RCOR1: variants seen among roughly 807,000 people sequenced by gnomAD.
The protein encoded by RCOR1 is REST corepressor 1.
RCOR1 carries 12 observed loss-of-function variants against 64.0 expected under a neutral mutation model. The ratio of observed to expected loss-of-function variants is 0.19; its 90% CI spans 0.12 to 0.30. RCOR1 has a LOEUF of 0.30. Ranked by LOEUF, RCOR1 falls within the 10% of genes least tolerant of loss-of-function variation. The pLI is 1.00. For missense variants in RCOR1, 502 were observed against 621.2 expected (o/e 0.81, Z 2.04); for synonymous variants, 279 against 227.2 (o/e 1.23, Z -2.05).
chr14:102,727,819 T>C lies in RCOR1; in HGVS notation c.*1313T>C, dbSNP rs148280054. ...ATTTTGAGACTTCCAGAATCACTTT[T>C]GTTATCTTATCAGACCATGGGCCTG... is the stretch of plus-strand genomic sequence containing the variant. On this transcript the variant is annotated 3_prime_UTR_variant, in exon 12 of 12. Transcript: ENST00000262241. The C allele has an allele frequency of 0.01, 1,545 of 152,390 alleles. 15 individuals are homozygous for C. The highest frequency in any genetic ancestry group is 0.015 in the Admixed American group (234 of 15,296). 9.4% of individuals were successfully genotyped at this position (152,390 alleles called of 1,614,324 possible). A position where few individuals can be genotyped will look rare whatever the true frequency, so the allele number is the denominator to read the frequency against.
chr14:102,620,787 T>C (rs955819104), intron 2 of RCOR1, among the ~76,000 whole-genome samples: 1 of 152,136 alleles, frequency 6.6e-6, no homozygotes, highest in African/African-American at 2.4e-5. Flanking sequence ...CCCATTTCAC[T>C]TAGAGTAAAA....
chr14:102,692,788 G>C (rs1895564873), intron 3 of RCOR1, among the ~76,000 whole-genome samples: 3 of 87,566 alleles, frequency 3.4e-5, no homozygotes, highest in South Asian at 7.2e-4. Context: ...TTTTTTTTGA[G>C]ACAGTCTTGC....
chr14:102,676,992 C>T (rs1895183606), intron 2 of RCOR1, among the ~76,000 whole-genome samples: 1 of 110,944 alleles, frequency 9.0e-6, no homozygotes, highest in African/African-American at 3.8e-5. Context: ...GGCAGAGGCG[C>T]CCCTCACCTC....
chr14:102,723,403 C>T (rs1378109129), intron 11 of RCOR1, among the ~76,000 whole-genome samples: 1 of 152,196 alleles, frequency 6.6e-6, no homozygotes, highest in African/African-American at 2.4e-5. Context: ...TGCAGGGCCT[C>T]TTTGCTGACT....
At chr14:102,677,398 C>A (rs1895204525) in intron 2 of RCOR1, among the ~76,000 whole-genome samples, 1 of 143,472 alleles carries the variant, frequency 7.0e-6, no homozygotes, top group African/African-American at 2.7e-5. Flanking sequence ...CTCCTCACTT[C>A]CCAGACGGGG....
At chr14:102,684,122 G>T (rs930371022) in intron 3 of RCOR1, among the ~76,000 whole-genome samples, 1 of 152,146 alleles carries the variant, frequency 6.6e-6, no homozygotes, top group Non-Finnish European at 1.5e-5. Context: ...AATCCAACTC[G>T]CACGGGAGGC....
At chr14:102,655,592 T>G in intron 2 of RCOR1, 6 of 654,796 alleles carry the variant, frequency 9.2e-6, no homozygotes, top group Non-Finnish European at 1.1e-5. Context: ...TAATAGGTGA[T>G]CAATAAATAT....
At chr14:102,708,612 C>A in intron 6 of RCOR1, 29 bp downstream of exon 6, 1 of 1,268,218 alleles carries the variant, frequency 7.9e-7, no homozygotes, top group Non-Finnish European at 1.2e-6. Flanking sequence ...TGTTGTCTAA[C>A]CACTTAGGGG....
chr14:102,613,504 C>T (rs1429703865), intron 2 of RCOR1, among the ~76,000 whole-genome samples: 1 of 148,794 alleles, frequency 6.7e-6, no homozygotes, highest in Non-Finnish European at 1.5e-5. Flanking sequence ...GCGATCTCTG[C>T]TCACTGCAAG....
At chr14:102,688,560 C>T (rs74082502) in intron 3 of RCOR1, among the ~76,000 whole-genome samples, 4,344 of 152,114 alleles carry the variant, frequency 0.029, 209 homozygotes, top group African/African-American at 0.1. Context: ...ATTGCCTAAC[C>T]GGGTCAGTGC....
chr14:102,702,383 A>AG (rs777221308), intron 4 of RCOR1, among the ~76,000 whole-genome samples: 43 of 152,118 alleles, frequency 2.8e-4, no homozygotes, highest in Admixed American at 6.5e-4. Flanking sequence ...AATTACCATT[A>AG]GCAAAGTATT....
rs146653787 is a variant in RCOR1, at chr14:102,650,128, G to T, written c.362-31767G>T. On this transcript the variant is annotated intron_variant, in intron 2 of 11. Transcript: ENST00000262241. ...CAGGAGAATGGTGTGAACCTGGGAG[G>T]TGCAGCTTGCAGGGAGCCGAGATCG... Among the ~76,000 whole-genome samples, 513 of 151,014 alleles carry T rather than the reference G, an allele frequency of 3.4e-3. 3 individuals carry two copies. Among genetic ancestry groups the T allele is most frequent in the African/African-American group, 0.012 (479 of 41,012 alleles).
chr14:102,676,618 T>C (rs1428166526), intron 2 of RCOR1, among the ~76,000 whole-genome samples: 3 of 83,224 alleles, frequency 3.6e-5, no homozygotes, highest in South Asian at 4.9e-4. Flanking sequence ...ACGGGGCGGC[T>C]GGCCAGGTGG....
chr14:102,622,204 A>G (rs1454659363), intron 2 of RCOR1, among the ~76,000 whole-genome samples: 1 of 152,040 alleles, frequency 6.6e-6, no homozygotes, highest in Non-Finnish European at 1.5e-5. Context: ...TAACCTTTTT[A>G]TCTACCCGAG....
intron 7 of RCOR1, among the ~76,000 whole-genome samples, chr14:102,711,673 TTC>T (rs145942044): frequency 6.6e-6 from 1 of 151,896 alleles, no homozygotes; most frequent in East Asian, 1.9e-4. Context: ...TCTCAGAGAG[TTC>T]TCTCTCTCTG....
At chr14:102,653,143 C>T (rs1448278714) in intron 2 of RCOR1, among the ~76,000 whole-genome samples, 1 of 152,046 alleles carries the variant, frequency 6.6e-6, no homozygotes, top group Non-Finnish European at 1.5e-5. Context: ...AGGATGATCT[C>T]GATCTCTTGA....
At chr14:102,623,933 C>T (rs1476340012) in intron 2 of RCOR1, among the ~76,000 whole-genome samples, 1 of 151,650 alleles carries the variant, frequency 6.6e-6, no homozygotes, top group Non-Finnish European at 1.5e-5. Flanking sequence ...GTGGCGGGCA[C>T]CTGTAGTCCC....
intron 2 of RCOR1, among the ~76,000 whole-genome samples, chr14:102,663,228 T>TC (rs1595218674): frequency 6.6e-6 from 1 of 152,208 alleles, no homozygotes; most frequent in African/African-American, 2.4e-5. Flanking sequence ...CTGTGAGGCT[T>TC]CCCCAGCTGC....
At chr14:102,623,052 T>C (rs1324676797) in intron 2 of RCOR1, among the ~76,000 whole-genome samples, 1 of 152,234 alleles carries the variant, frequency 6.6e-6, no homozygotes, top group Non-Finnish European at 1.5e-5. Flanking sequence ...TTTCAACCTT[T>C]CTTTATTCTT....
Sources: gnomAD v4.1 joint callset for allele counts (sites outside exome capture counted in the v4.1 genomes callset) on GRCh38, gnomAD v4.1.1 for gene constraint, MANE v1.5 for transcripts, NCBI Gene and HGNC (gene_info 2026-07-23, HGNC 2026-07-21) for gene names.